SPOCD1: variants seen among roughly 807,000 people sequenced by gnomAD.
SPOCD1 encodes SPOC domain-containing protein 1.
A neutral mutation model predicts 92.2 loss-of-function variants in SPOCD1; 64 were observed. The ratio of observed to expected loss-of-function variants is 0.69; its 90% CI spans 0.57 to 0.86. The LOEUF is 0.86. Among genes scored for constraint, SPOCD1 ranks in the 40% least tolerant of loss-of-function variants. The pLI, the probability that SPOCD1 is intolerant of heterozygous loss-of-function variation, is 0.00. For missense variants in SPOCD1, 1,360 were observed against 1,543.1 expected (o/e 0.88, Z 1.99); for synonymous variants, 578 against 619.3 (o/e 0.93, Z 0.99).
In SPOCD1 at chr1:31,798,123, T is replaced by A. The variant is rs913942048; in HGVS notation, c.2145+84A>T. On this transcript the variant is annotated intron_variant, in intron 9 of 15. Coordinates refer to ENST00000360482, the MANE Select transcript of SPOCD1 (RefSeq NM_144569.7). This position sits in a 1 kb window ranked among gnomAD's most constrained non-coding sequence, Gnocchi z 4.1. The stretch of plus-strand genomic sequence containing the variant: ...TGAATTCCTCCTCCCTCCCTCCCTG[T>A]CTCTGTCTCTCCCTCTTCCACTCTC... The A allele has an allele frequency of 2.0e-6, 2 of 1,004,610 alleles. No homozygotes were observed. Among genetic ancestry groups the A allele is most frequent in the African/African-American group, 3.2e-5 (2 of 63,372 alleles). 62.2% of individuals were successfully genotyped at this position (1,004,610 alleles called of 1,614,324 possible). A position where few individuals can be genotyped will look rare whatever the true frequency, so the allele number is the denominator to read the frequency against.
At chr1:31,810,354 A>ATTTTTT (rs35691769) in intron 2 of SPOCD1, among the ~76,000 whole-genome samples, 226 of 137,946 alleles carry the variant, frequency 1.6e-3, no homozygotes, top group African/African-American at 5.8e-3. Flanking sequence ...TTAGTGTTGA[A>ATTTTTT]TTTTTTTTTT....
chr1:31,813,868 G>T, intron 2 of SPOCD1, 83 bp downstream of exon 2: 1 of 1,296,844 alleles, frequency 7.7e-7, no homozygotes, highest in Non-Finnish European at 1.0e-6. Flanking sequence ...ATCTAGCTTA[G>T]CTTTATTAAA....
At chr1:31,815,772 A>C (rs1328681975) in intron 1 of SPOCD1, 189 bp downstream of exon 1, 1 of 119,792 alleles carries the variant, frequency 8.3e-6, no homozygotes, top group Non-Finnish European at 1.8e-5. Flanking sequence ...TGGAAGGGCC[A>C]GGAGTCTCTC....
chr1:31,801,997 G>T (rs113085695), intron 2 of SPOCD1, among the ~76,000 whole-genome samples: 1 of 152,074 alleles, frequency 6.6e-6, no homozygotes, highest in Admixed American at 6.6e-5. Flanking sequence ...GTGAAACCCC[G>T]TCTCTACTAA....
In SPOCD1 at chr1:31,798,621, GC is replaced by G; in HGVS notation, c.1869-21del. 6.2e-7 allele frequency: 1 copy of G among 1,608,886 alleles called. No homozygotes were observed. Among genetic ancestry groups the G allele is most frequent in the South Asian group, 1.1e-5 (1 of 90,520 alleles). Reference sequence around the variant, plus strand: ...CGAAGGCTGTGGAGGCCAGGGCAGGGCGGGGGCACTGAGCCCAGGAGGCTCT... The same window carrying G: ...CGAAGGCTGTGGAGGCCAGGGCAGGGGGGGGCACTGAGCCCAGGAGGCTCT... On this transcript the variant is annotated intron_variant, in intron 7 of 15. Coordinates refer to ENST00000360482, the MANE Select transcript of SPOCD1 (RefSeq NM_144569.7). The surrounding 1 kb of genome is among the most constrained non-coding windows in gnomAD (Gnocchi z 4.1).
At chr1:31,799,097 T>C (rs543391644) in intron 7 of SPOCD1, among the ~76,000 whole-genome samples, 1 of 152,294 alleles carries the variant, frequency 6.6e-6, no homozygotes, top group South Asian at 2.1e-4. Context: ...CTCAGATCTC[T>C]GAGCCGCTCC....
intron 13 of SPOCD1, 77 bp downstream of exon 13, chr1:31,793,201 T>G: frequency 6.9e-7 from 1 of 1,456,940 alleles, no homozygotes; most frequent in Non-Finnish European, 9.2e-7. Context: ...AATGCATGAG[T>G]GAAAGAGAGA....
intron 4 of SPOCD1, 50 bp from the exon 5 acceptor site, chr1:31,800,191 C>T: frequency 1.3e-6 from 2 of 1,535,052 alleles, no homozygotes; most frequent in Non-Finnish European, 1.7e-6. Context: ...AGGCCAGGGA[C>T]TGTTCCCTCC....
intron 6 of SPOCD1, 112 bp from the exon 7 acceptor site, chr1:31,799,597 C>A (rs1648291697): frequency 1.8e-6 from 2 of 1,107,412 alleles, no homozygotes; most frequent in South Asian, 2.8e-5. Flanking sequence ...CCCTCAAAGA[C>A]CTAGACCCCT....
At chr1:31,805,014 C>T (rs1219793768) in intron 2 of SPOCD1, among the ~76,000 whole-genome samples, 1 of 84,762 alleles carries the variant, frequency 1.2e-5, no homozygotes, top group Non-Finnish European at 2.3e-5. Context: ...TGGAGTCTCG[C>T]TCTGTCACCG....
chr1:31,810,543 A>C (rs1438733878), intron 2 of SPOCD1, among the ~76,000 whole-genome samples: 1 of 152,000 alleles, frequency 6.6e-6, no homozygotes, highest in Non-Finnish European at 1.5e-5. Flanking sequence ...TTCTACAGAC[A>C]GGGTTTTGCC....
At chr1:31,806,718 T>C (rs1570190472) in intron 2 of SPOCD1, among the ~76,000 whole-genome samples, 1 of 151,780 alleles carries the variant, frequency 6.6e-6, no homozygotes, top group Admixed American at 6.6e-5. Context: ...GCTAATTTTG[T>C]TTGTTTGTTT....
rs1648272842 is a variant in SPOCD1, at chr1:31,799,423, T to G, written c.1846A>C (p.Met616Leu). 12 of 1,611,102 alleles carry G rather than the reference T, an allele frequency of 7.4e-6. No individual in the cohort carries two copies. The highest frequency in any genetic ancestry group is 1.0e-5 in the Non-Finnish European group (12 of 1,178,896). ...CACCGAGTCCATAGTACCTCCTGCA[T>G]GGAACGGACAACAGTGCCCCGCACC... ...IGVRGTVVRSMQEVLWTRLRE... is the reference protein window; with the variant it reads ...IGVRGTVVRSLQEVLWTRLRE... The change falls in exon 7 of 16, where the codon ATG (methionine) becomes CTG (leucine). Residue 616 changes from methionine (M) to leucine (L), a missense_variant. Coordinates refer to ENST00000360482, the MANE Select transcript of SPOCD1 (RefSeq NM_144569.7).
chr1:31,812,467 A>G (rs1025904427), intron 2 of SPOCD1, among the ~76,000 whole-genome samples: 2 of 152,220 alleles, frequency 1.3e-5, no homozygotes, highest in African/African-American at 4.8e-5. Context: ...AATACTACGG[A>G]ACTTACAAAA....
chr1:31,793,150 C>G, intron 13 of SPOCD1, 128 bp downstream of exon 13: 1 of 1,232,098 alleles, frequency 8.1e-7, no homozygotes, highest in Non-Finnish European at 1.1e-6. Flanking sequence ...ATGCCCTGCA[C>G]AGGGCCAGGC....
chr1:31,811,305 T>C (rs1649181380), intron 2 of SPOCD1, among the ~76,000 whole-genome samples: 3 of 152,002 alleles, frequency 2.0e-5, no homozygotes, highest in African/African-American at 2.4e-5. Context: ...ATCCTGCCTC[T>C]ACTAAAAACA....
At position 31,814,213 on chromosome 1, in the gene SPOCD1, C is replaced by A; in HGVS notation, c.1121G>T (p.Gly374Val). 6.3e-7 allele frequency: 1 copy of A among 1,578,664 alleles called. No homozygotes were observed. Among genetic ancestry groups the A allele is most frequent in the Non-Finnish European group, 8.6e-7 (1 of 1,161,388 alleles). ...GGCAGCGAGTCCTTGCTCCAGCCTT[C>A]CCCTGGAAGCTGGCTGAGCCTTGGC... ...LEAKAQPASR[G>V]RLEQGLAAPA... Residue 374 changes from glycine to valine, a missense_variant, in exon 2 of 16, where the codon GGA becomes GTA. This residue lies in a region of SPOCD1 where 606 missense variants were observed against 601.5 expected (regional missense o/e 1.01). Transcript: ENST00000360482. The surrounding 1 kb of genome is among the most constrained non-coding windows in gnomAD (Gnocchi z 4.2).
At chr1:31,815,450 C>G (rs1649502772) in intron 1 of SPOCD1, 78 bp from the exon 2 acceptor site, 1 of 1,076,050 alleles carries the variant, frequency 9.3e-7, no homozygotes, top group Non-Finnish European at 1.3e-6. Context: ...CTGGGAGGAG[C>G]CCCTCTTCCA....
In SPOCD1 at chr1:31,813,957, G is replaced by A. The variant is rs745827883; in HGVS notation, c.1377C>T (p.Pro459=). Residue 459 remains proline, a synonymous_variant, in exon 2 of 16, where the codon CCC becomes CCT. Transcript: ENST00000360482. ...RPEEPSPGGC[P]RLEEVKIPHG... Reference sequence around the variant, plus strand: ...ACTCTCAGACTCAGCTCACCAGTCTGGGGCAGCCTCCTGGGCTGGGTTCCT... The same window carrying A: ...ACTCTCAGACTCAGCTCACCAGTCTAGGGCAGCCTCCTGGGCTGGGTTCCT... 13 of 1,531,848 alleles carry A rather than the reference G, an allele frequency of 8.5e-6. No individual in the cohort carries two copies. In the African/African-American group the frequency reaches 9.6e-5, roughly 11 times the overall value. The allele number at this position is 1,531,848 out of a possible 1,614,324, so 94.9% of individuals were successfully genotyped here.
Sources: allele counts gnomAD v4.1 joint callset (sites outside exome capture counted in the v4.1 genomes callset), GRCh38; gene constraint gnomAD v4.1.1; regional missense constraint gnomAD v4.1.1; non-coding constraint Gnocchi (gnomAD v3.1); transcripts MANE v1.5; gene names NCBI Gene and HGNC (gene_info 2026-07-23, HGNC 2026-07-21).